The following TCF7L2 variants were observed in gnomAD, a reference collection of about 807,000 sequenced individuals.
TCF7L2 encodes the protein transcription factor 7-like 2.
A neutral mutation model predicts 77.9 loss-of-function variants in TCF7L2; 23 were observed. That is an observed-to-expected ratio of 0.30 (90% CI 0.21 to 0.42). TCF7L2 has a LOEUF of 0.42. TCF7L2 is among the 10% of genes least tolerant of loss of function. The pLI, the probability that TCF7L2 is intolerant of heterozygous loss-of-function variation, is 1.00. For synonymous variants in TCF7L2, 413 were observed against 340.2 expected, an observed-to-expected ratio of 1.21 and a Z score of -2.36; for missense variants, 654 against 793.1, an observed-to-expected ratio of 0.82 and a Z score of 2.11.
intron 5 of TCF7L2, among the ~76,000 whole-genome samples, chr10:113,054,379 T>A (rs1276012139): frequency 6.6e-6 from 1 of 152,188 alleles, no homozygotes; most frequent in Non-Finnish European, 1.5e-5. Context: ...TAAATTTGGA[T>A]CTTTGAGTAT....
At chr10:113,093,687 T>A (rs565020992) in intron 5 of TCF7L2, among the ~76,000 whole-genome samples, 2 of 152,138 alleles carry the variant, frequency 1.3e-5, no homozygotes, top group South Asian at 4.2e-4. Flanking sequence ...CAGGGATGAG[T>A]CATTTCTTTC....
intron 5 of TCF7L2, among the ~76,000 whole-genome samples, chr10:113,125,208 G>A (rs4917645): frequency 0.41 from 62,489 of 150,938 alleles, 14,897 homozygotes; most frequent in African/African-American, 0.64. Flanking sequence ...CGAATCGCTC[G>A]TTCTCTGTTC....
At chr10:113,008,617 CTTAA>C (rs1341531598) in intron 4 of TCF7L2, among the ~76,000 whole-genome samples, 1 of 152,184 alleles carries the variant, frequency 6.6e-6, no homozygotes, top group Non-Finnish European at 1.5e-5. Flanking sequence ...CACTGTAATC[CTTAA>C]TTAACACCTG....
chr10:113,108,854 T>C (rs1396760551), intron 5 of TCF7L2, among the ~76,000 whole-genome samples: 39 of 152,376 alleles, frequency 2.6e-4, no homozygotes, highest in Non-Finnish European at 7.3e-5. Flanking sequence ...ATTCTCCCAT[T>C]CCCTGCCGGT....
chr10:113,155,372 CCTTT>C (rs2071647166), intron 11 of TCF7L2, among the ~76,000 whole-genome samples: 1 of 152,022 alleles, frequency 6.6e-6, no homozygotes, highest in Non-Finnish European at 1.5e-5. Flanking sequence ...TATCGTAGGC[CCTTT>C]CTTTCTTCTG....
chr10:113,026,394 C>T (rs2049177838), intron 4 of TCF7L2, among the ~76,000 whole-genome samples: 1 of 150,122 alleles, frequency 6.7e-6, no homozygotes, highest in South Asian at 2.1e-4. Flanking sequence ...CTTCTGACCT[C>T]ATGATCTGCC....
intron 4 of TCF7L2, among the ~76,000 whole-genome samples, chr10:113,020,367 C>G (rs902329814): frequency 2.6e-5 from 4 of 152,170 alleles, no homozygotes; most frequent in African/African-American, 7.2e-5. Context: ...CCCCTCTCCT[C>G]ACCCCGTGTG....
chr10:112,963,163 A>G (rs1292697382), intron 3 of TCF7L2, among the ~76,000 whole-genome samples: 2 of 152,212 alleles, frequency 1.3e-5, no homozygotes, highest in Non-Finnish European at 2.9e-5. Context: ...CTCAGAGCCC[A>G]CTGCATCCTA....
In TCF7L2 at chr10:113,166,046, C is replaced by T. The variant is rs2137660338; in HGVS notation, c.*74C>T. On this transcript the variant is annotated 3_prime_UTR_variant, in exon 14 of 14. Transcript: ENST00000627217. Reference sequence around the variant, plus strand: ...TTCTTAATTTGCCCCCCACCCCCACCTTGAAAGGTTTTGTTTTGTACTCTC... The same window carrying T: ...TTCTTAATTTGCCCCCCACCCCCACTTTGAAAGGTTTTGTTTTGTACTCTC... 1 of 1,385,760 alleles carries T rather than the reference C, an allele frequency of 7.2e-7. No homozygotes were observed. 85.8% of individuals were successfully genotyped at this position (1,385,760 alleles called of 1,614,324 possible). A position where few individuals can be genotyped will look rare whatever the true frequency, so the allele number is the denominator to read the frequency against.
At chr10:113,029,970 G>A (rs540253043) in intron 4 of TCF7L2, among the ~76,000 whole-genome samples, 6 of 151,978 alleles carry the variant, frequency 3.9e-5, no homozygotes, top group Non-Finnish European at 8.8e-5. Flanking sequence ...CAGTTCAGTG[G>A]TTTTTTAGTC....
intron 4 of TCF7L2, among the ~76,000 whole-genome samples, chr10:112,995,074 C>G (rs780567870): frequency 6.6e-6 from 1 of 152,196 alleles, no homozygotes; most frequent in African/African-American, 2.4e-5. Flanking sequence ...GCACTCCAGC[C>G]TGGGCAACAA....
chr10:113,148,086 T>C (rs961997324), intron 8 of TCF7L2, among the ~76,000 whole-genome samples: 2 of 152,214 alleles, frequency 1.3e-5, no homozygotes, highest in Non-Finnish European at 2.9e-5. Flanking sequence ...AGAACACCCT[T>C]TGATATTCAT....
At chr10:113,097,657 A>AAAACAAAAAAAAAAAAACAAC (rs1564890147) in intron 5 of TCF7L2, among the ~76,000 whole-genome samples, 6 of 141,516 alleles carry the variant, frequency 4.2e-5, no homozygotes, top group African/African-American at 1.3e-4. Context: ...AAAAAAAAAA[A>AAAACAAAAAAAAAAAAACAAC]AAAAAAAAAA....
chr10:112,990,209 G>A (rs1215260463), intron 4 of TCF7L2, among the ~76,000 whole-genome samples: 2 of 152,164 alleles, frequency 1.3e-5, no homozygotes, highest in Non-Finnish European at 2.9e-5. Context: ...TTGTCCTCCT[G>A]CAAGTTTCCA....
intron 5 of TCF7L2, among the ~76,000 whole-genome samples, chr10:113,057,642 A>C (rs1053049689): frequency 1.3e-5 from 2 of 152,262 alleles, no homozygotes; most frequent in Admixed American, 1.3e-4. Flanking sequence ...TCTGTTGGCT[A>C]CTTAACAGGA....
intron 5 of TCF7L2, among the ~76,000 whole-genome samples, chr10:113,088,042 A>G (rs2060008474): frequency 6.6e-6 from 1 of 152,184 alleles, no homozygotes; most frequent in Non-Finnish European, 1.5e-5. Context: ...TCAATCTCTT[A>G]TTCTTAATCC....
intron 11 of TCF7L2, among the ~76,000 whole-genome samples, chr10:113,154,084 G>C (rs2137235747): frequency 6.6e-6 from 1 of 152,292 alleles, no homozygotes; most frequent in South Asian, 2.1e-4. Context: ...CCGACAGATG[G>C]GCTTGCACGG....
intron 3 of TCF7L2, among the ~76,000 whole-genome samples, chr10:112,957,002 G>A (rs2033787111): frequency 6.6e-6 from 1 of 152,068 alleles, no homozygotes; most frequent in Non-Finnish European, 1.5e-5. Context: ...CAGCTGACTT[G>A]TACGTTTCCT....
chr10:112,989,882 T>C (rs1448887944), intron 4 of TCF7L2, among the ~76,000 whole-genome samples: 4 of 152,194 alleles, frequency 2.6e-5, no homozygotes, highest in Non-Finnish European at 4.4e-5. Context: ...TCATGATTTA[T>C]TTAGAAATAG....
Sources: allele counts gnomAD v4.1 joint callset (sites outside exome capture counted in the v4.1 genomes callset), GRCh38; gene constraint gnomAD v4.1.1; transcripts MANE v1.5; gene names NCBI Gene and HGNC (gene_info 2026-07-23, HGNC 2026-07-21).